The following ARFGAP3 variants were observed in gnomAD, a reference collection of about 807,000 sequenced individuals.
The protein encoded by ARFGAP3 is ARF GTPase activating protein 3.
A neutral mutation model predicts 75.0 loss-of-function variants in ARFGAP3; 72 were observed. That is an observed-to-expected ratio of 0.96 (90% confidence interval 0.79 to 1.17). The LOEUF is 1.17. Ranked by LOEUF, ARFGAP3 falls within the 50% of genes most tolerant of loss-of-function variation. ARFGAP3 has a pLI of 0.00. For synonymous variants in ARFGAP3, 221 were observed against 217.9 expected, an observed-to-expected ratio of 1.01 and a Z score of -0.13; for missense variants, 620 against 626.6, an observed-to-expected ratio of 0.99 and a Z score of 0.11.
chr22:42,807,219 C>T, intron 13 of ARFGAP3, 56 bp from the exon 14 acceptor site: 1 of 1,540,574 alleles, frequency 6.5e-7, no homozygotes, highest in South Asian at 1.2e-5. Flanking sequence ...GGCAGTTTTG[C>T]AAAAAGAATC....
chr22:42,839,099 G>T (rs1242862295), intron 3 of ARFGAP3, among the ~76,000 whole-genome samples: 6 of 99,278 alleles, frequency 6.0e-5, no homozygotes, highest in Admixed American at 1.3e-4. Context: ...GACAGAGCAA[G>T]ATTCCGTCTC....
Position 42,817,146 on chromosome 22 carries a change from A to G in ARFGAP3, c.1060T>C (p.Ser354Pro), listed in dbSNP as rs1463654196. 2 of 1,604,962 alleles carry G rather than the reference A, an allele frequency of 1.2e-6. No individual in the cohort carries two copies. The highest frequency in any genetic ancestry group is 1.7e-6 in the Non-Finnish European group (2 of 1,172,142). The change falls in exon 11 of 16, where the codon TCA becomes CCA. Residue 354 changes from serine to proline, a missense_variant. Coordinates refer to ENST00000263245, the MANE Select transcript of ARFGAP3 (RefSeq NM_014570.5). ...CGATGATTTGTAATACAGTACCTTG[A>G]GCTGGAAGTAAAATATGAATCGTCA... The part of the protein sequence containing the change: ...DSDDSYFTSS[S>P]SYFDEPVELR...
At chr22:42,832,987 T>TTAA (rs1555898581) in intron 5 of ARFGAP3, among the ~76,000 whole-genome samples, 2 of 136,128 alleles carry the variant, frequency 1.5e-5, no homozygotes, top group African/African-American at 5.4e-5. Context: ...ACTCCGTCTT[T>TTAA]AAAAAAAAAA....
chr22:42,840,878 CTTT>C, intron 3 of ARFGAP3, 63 bp downstream of exon 3: 1 of 1,541,168 alleles, frequency 6.5e-7, no homozygotes, highest in Non-Finnish European at 8.9e-7. Flanking sequence ...GCCTGAGCTT[CTTT>C]ACTATTATAG....
chr22:42,818,513 T>C (rs953821560), intron 9 of ARFGAP3, among the ~76,000 whole-genome samples: 2 of 152,018 alleles, frequency 1.3e-5, no homozygotes, highest in Non-Finnish European at 2.9e-5. Flanking sequence ...ACCAAAGGGG[T>C]AAAAAGGTGT....
At chr22:42,836,427 C>T (rs1926524573) in intron 3 of ARFGAP3, among the ~76,000 whole-genome samples, 1 of 152,136 alleles carries the variant, frequency 6.6e-6, no homozygotes, top group African/African-American at 2.4e-5. Flanking sequence ...GTGTGAACCA[C>T]TACACTTCGT....
intron 6 of ARFGAP3, among the ~76,000 whole-genome samples, chr22:42,827,491 C>T (rs766151949): frequency 6.6e-6 from 1 of 152,154 alleles, no homozygotes; most frequent in Non-Finnish European, 1.5e-5. Context: ...CTCGGCCACC[C>T]GAGTAGCTGG....
At chr22:42,838,156 T>C (rs1385496678) in intron 3 of ARFGAP3, among the ~76,000 whole-genome samples, 1 of 151,716 alleles carries the variant, frequency 6.6e-6, no homozygotes, top group Non-Finnish European at 1.5e-5. Context: ...AATTATCTAA[T>C]TAATTGATTT....
At chr22:42,852,661 G>A (rs1602137926) in intron 1 of ARFGAP3, among the ~76,000 whole-genome samples, 1 of 151,880 alleles carries the variant, frequency 6.6e-6, no homozygotes, top group Admixed American at 6.6e-5. Flanking sequence ...GTGTCTGGCC[G>A]AAATTCTTAA....
At chr22:42,803,178 A>T (rs1924956779) in intron 14 of ARFGAP3, among the ~76,000 whole-genome samples, 2 of 151,996 alleles carry the variant, frequency 1.3e-5, no homozygotes, top group African/African-American at 2.4e-5. Context: ...TATTTTTTAA[A>T]TTTTTTGTAG....
chr22:42,849,002 G>C (rs1471602495), intron 1 of ARFGAP3, among the ~76,000 whole-genome samples: 1 of 152,180 alleles, frequency 6.6e-6, no homozygotes, highest in African/African-American at 2.4e-5. Flanking sequence ...GGGGAAGCCA[G>C]GTGCCATGTC....
At chr22:42,803,900 CTTTTTTT>C (rs11289963) in intron 14 of ARFGAP3, among the ~76,000 whole-genome samples, 4 of 119,696 alleles carry the variant, frequency 3.3e-5, no homozygotes, top group Non-Finnish European at 4.8e-5. Context: ...CCTCCTTCCT[CTTTTTTT>C]TTTTTTTTTT....
intron 3 of ARFGAP3, among the ~76,000 whole-genome samples, chr22:42,838,719 T>C (rs1926646708): frequency 6.6e-6 from 1 of 152,212 alleles, no homozygotes; most frequent in African/African-American, 2.4e-5. Context: ...TTACCAGTGC[T>C]GTGCAAGATT....
Position 42,797,377 on chromosome 22 carries a change from A to G in ARFGAP3, c.*211T>C, listed in dbSNP as rs1924648761. ...CAGAGACGCCAAAGGAGGGTGTGAC[A>G]GGAAGGAACGTGAAACAGAAATCAC... On this transcript the variant is annotated 3_prime_UTR_variant, in exon 16 of 16. Transcript: ENST00000263245. 1 of 630,246 alleles carries G rather than the reference A, an allele frequency of 1.6e-6. No homozygotes were observed. The highest frequency in any genetic ancestry group is 2.7e-6 in the Non-Finnish European group (1 of 364,910). 39.0% of individuals were successfully genotyped at this position (630,246 alleles called of 1,614,324 possible).
intron 11 of ARFGAP3, among the ~76,000 whole-genome samples, chr22:42,813,251 G>A (rs946764629): frequency 1.3e-5 from 2 of 152,198 alleles, no homozygotes; most frequent in African/African-American, 4.8e-5. Context: ...TGACTTGAAT[G>A]CAGAAGCCTC....
chr22:42,827,483 C>G (rs191770822), intron 6 of ARFGAP3, among the ~76,000 whole-genome samples: 38 of 152,304 alleles, frequency 2.5e-4, no homozygotes, highest in Non-Finnish European at 4.6e-4. Context: ...TATCCTGCCT[C>G]GGCCACCCGA....
chr22:42,819,074 G>A (rs192722980), intron 9 of ARFGAP3, among the ~76,000 whole-genome samples: 5 of 149,882 alleles, frequency 3.3e-5, no homozygotes, highest in African/African-American at 9.8e-5. Flanking sequence ...CTGCCTCAAA[G>A]AGTCCTGGGA....
chr22:42,797,751 T>A, intron 15 of ARFGAP3, 146 bp from the exon 16 acceptor site: 1 of 1,557,658 alleles, frequency 6.4e-7, no homozygotes, highest in Non-Finnish European at 8.7e-7. Flanking sequence ...GGTGTGCTCA[T>A]CTGGAAGCAG....
chr22:42,836,649 A>G (rs997669667), intron 3 of ARFGAP3, among the ~76,000 whole-genome samples: 5 of 152,224 alleles, frequency 3.3e-5, no homozygotes, highest in African/African-American at 1.2e-4. Flanking sequence ...TATAGAATTC[A>G]TATCTTAATT....
Sources: allele counts gnomAD v4.1 joint callset (sites outside exome capture counted in the v4.1 genomes callset), GRCh38; gene constraint gnomAD v4.1.1; transcripts MANE v1.5; gene names NCBI Gene and HGNC (gene_info 2026-07-23, HGNC 2026-07-21).